The following BRMS1 variants were observed in gnomAD, a reference collection of about 807,000 sequenced individuals.
The protein encoded by BRMS1 is breast cancer metastasis-suppressor 1.
BRMS1 carries 26 observed loss-of-function variants against 40.4 expected under a neutral mutation model. The observed-to-expected ratio is 0.64, with a 90% CI of 0.47 to 0.89. The LOEUF is 0.89. Among genes scored for constraint, BRMS1 ranks in the 40% least tolerant of loss-of-function variants. The pLI is 0.00. For synonymous variants in BRMS1, 103 were observed against 116.0 expected (o/e 0.89, Z 0.72); for missense variants, 289 against 309.4 (o/e 0.93, Z 0.49).
Position 66,338,716 on chromosome 11 carries a change from C to T in BRMS1, c.693+5G>A. 6.2e-7 allele frequency: 1 copy of T among 1,609,668 alleles called. No homozygotes were observed. Among genetic ancestry groups the T allele is most frequent in the South Asian group, 1.1e-5 (1 of 90,932 alleles). On this transcript the variant is annotated splice_donor_5th_base_variant and intron_variant, in intron 8 of 9. Transcript: ENST00000359957. ...GCAGGTCACGTGGGCAGCAGCGGCC[C>T]CCACCTTTTTGATGGCTGTCCAGTC...
At position 66,337,771 on chromosome 11, in the gene BRMS1, G is replaced by A. The variant is rs779744968; in HGVS notation, c.*111C>T. The A allele has an allele frequency of 1.7e-5, 27 of 1,613,538 alleles. No individual in the cohort carries two copies. The East Asian group carries it at 4.9e-4, about 29-fold the overall frequency. ...GGCCCAGCAGCACCACAGGAGCCTGGCTGGGCAGACCCTGAGGGGCCTGTG... is the reference window on the plus strand; with the variant it reads ...GGCCCAGCAGCACCACAGGAGCCTGACTGGGCAGACCCTGAGGGGCCTGTG... On this transcript the variant is annotated 3_prime_UTR_variant, in exon 10 of 10. Coordinates refer to ENST00000359957, the MANE Select transcript of BRMS1 (RefSeq NM_015399.4).
chr11:66,338,414 C>T (rs1286566364), intron 8 of BRMS1, 132 bp from the exon 9 acceptor site: 2 of 1,519,152 alleles, frequency 1.3e-6, no homozygotes, highest in Admixed American at 4.0e-5. Flanking sequence ...GCATAGGCCC[C>T]ACCCAGGCAG....
In BRMS1 at chr11:66,341,313, C is replaced by G. The variant is rs745705747; in HGVS notation, c.251G>C (p.Ser84Thr). The change falls in exon 4 of 10, where the codon AGT becomes ACT. Residue 84 changes from serine (S) to threonine (T), a missense_variant. Ser to Thr is a moderately conservative substitution (Grantham distance 58). Transcript: ENST00000359957. This position sits in a 1 kb window ranked among gnomAD's most constrained non-coding sequence, Gnocchi z 4.9. ...LKEKLFRERLSQLRLRLEEVG... is the reference protein window; with the variant it reads ...LKEKLFRERLTQLRLRLEEVG... ...TTCCTCCAGCCGCAACCGCAGCTGA[C>G]TCAGTCGTTCCCTGAACAACCTGCG... 1.6e-5 allele frequency: 26 copies of G among 1,613,234 alleles called. No individual in the cohort carries two copies. The highest frequency in any genetic ancestry group is 2.2e-5 in the Non-Finnish European group (26 of 1,179,368).
At chr11:66,338,452 G>T in intron 8 of BRMS1, 170 bp from the exon 9 acceptor site, 1 of 1,510,234 alleles carries the variant, frequency 6.6e-7, no homozygotes. Context: ...CTGCTGGCCA[G>T]CTCAGCGGCT....
intron 1 of BRMS1, among the ~76,000 whole-genome samples, chr11:66,343,803 C>T (rs555368069): frequency 6.6e-5 from 10 of 152,020 alleles, no homozygotes; most frequent in Non-Finnish European, 1.5e-4. Flanking sequence ...CCCAGGGTCA[C>T]CAAAGGGGCA....
intron 7 of BRMS1, chr11:66,339,760 C>T (rs1465091793): frequency 4.9e-6 from 1 of 202,158 alleles, no homozygotes; most frequent in African/African-American, 2.3e-5. Context: ...CCACGCCTGG[C>T]TAATTTTTGT....
chr11:66,337,730 C>T lies in BRMS1; in HGVS notation c.*152G>A. 1.2e-6 allele frequency: 2 copies of T among 1,611,824 alleles called. No individual in the cohort carries two copies. Among genetic ancestry groups the T allele is most frequent in the Middle Eastern group, 1.8e-4 (1 of 5,470 alleles). ...GGCAGAGGAGGAGTCCAGGCCAGTG[C>T]CAGATGGAGTGGGAGGGCCCAGCAG... On this transcript the variant is annotated 3_prime_UTR_variant, in exon 10 of 10. Transcript: ENST00000359957.
chr11:66,342,630 G>C (rs575027101), intron 1 of BRMS1, among the ~76,000 whole-genome samples: 1 of 152,296 alleles, frequency 6.6e-6, no homozygotes, highest in Admixed American at 6.5e-5. Context: ...GCAGTGGCAC[G>C]ATCTCAGCTC....
chr11:66,344,069 C>A (rs1156997092), intron 1 of BRMS1, among the ~76,000 whole-genome samples: 1 of 152,214 alleles, frequency 6.6e-6, no homozygotes, highest in Non-Finnish European at 1.5e-5. Flanking sequence ...ACCACTCCCT[C>A]CAGGAAGCTT....
At chr11:66,339,943 AGGACCCC>A (rs1428796570) in intron 7 of BRMS1, 171 bp downstream of exon 7, 19 of 578,164 alleles carry the variant, frequency 3.3e-5, no homozygotes, top group Non-Finnish European at 5.6e-5. Context: ...AGAGAGACCC[AGGACCCC>A]GTAAGAAACT....
At position 66,340,715 on chromosome 11, in the gene BRMS1, A is replaced by C. The variant is rs549457089; in HGVS notation, c.535+59T>G. The C allele has an allele frequency of 2.8e-6, 4 of 1,414,686 alleles. No homozygotes were observed. In the African/African-American group the frequency reaches 4.3e-5, roughly 15 times the overall value. 87.6% of individuals were successfully genotyped at this position (1,414,686 alleles called of 1,614,324 possible). A position where few individuals can be genotyped will look rare whatever the true frequency, so the allele number is the denominator to read the frequency against. On this transcript the variant is annotated intron_variant, in intron 6 of 9. Coordinates refer to ENST00000359957, the MANE Select transcript of BRMS1 (RefSeq NM_015399.4). Reference sequence around the variant, plus strand: ...ACTTCAGGACATCTGAAGCCCAAAGAGGGGTGGGCGTGGACTGAGCGGGGC... The same window carrying C: ...ACTTCAGGACATCTGAAGCCCAAAGCGGGGTGGGCGTGGACTGAGCGGGGC...
Position 66,341,995 on chromosome 11 carries a change from T to G in BRMS1, c.139+101A>C. 1 of 1,314,822 alleles carries G rather than the reference T, an allele frequency of 7.6e-7. No homozygotes were observed. Among genetic ancestry groups the G allele is most frequent in the Non-Finnish European group, 1.0e-6 (1 of 955,082 alleles). 81.4% of individuals were successfully genotyped at this position (1,314,822 alleles called of 1,614,324 possible). A position where few individuals can be genotyped will look rare whatever the true frequency, so the allele number is the denominator to read the frequency against. On this transcript the variant is annotated intron_variant, in intron 2 of 9. Coordinates refer to ENST00000359957, the MANE Select transcript of BRMS1 (RefSeq NM_015399.4). The surrounding 1 kb of genome is among the most constrained non-coding windows in gnomAD (Gnocchi z 4.9). ...TGTGCTTGTGTGTAGGCGCTGTATG[T>G]GCATGTGCGTGCATGCTTGTGTGTA...
intron 6 of BRMS1, 130 bp downstream of exon 6, chr11:66,340,644 G>A (rs1032670760): frequency 6.7e-6 from 5 of 744,650 alleles, no homozygotes; most frequent in Admixed American, 2.7e-5. Context: ...GTCTCCTTCA[G>A]CCCTCACACT....
Position 66,341,100 on chromosome 11 carries a change from T to A in BRMS1, c.359-54A>T. On this transcript the variant is annotated intron_variant, in intron 4 of 9. Coordinates refer to ENST00000359957, the MANE Select transcript of BRMS1 (RefSeq NM_015399.4). This position sits in a 1 kb window ranked among gnomAD's most constrained non-coding sequence, Gnocchi z 4.9. ...TTGGCTGGGGAGCCCGGTGCCCACA[T>A]AGGAGGGCTGAGAGCAAAGGGCAAG... The A allele has an allele frequency of 1.2e-6, 2 of 1,611,714 alleles. No homozygotes were observed. The highest frequency in any genetic ancestry group is 1.7e-6 in the Non-Finnish European group (2 of 1,178,844).
chr11:66,343,403 C>T (rs1855128589), intron 1 of BRMS1, among the ~76,000 whole-genome samples: 1 of 152,152 alleles, frequency 6.6e-6, no homozygotes, highest in African/African-American at 2.4e-5. Flanking sequence ...GGTATGCAGG[C>T]GCCCAAGTGT....
Position 66,337,708 on chromosome 11 carries a change from AGAG to A in BRMS1, c.*171_*173del, listed in dbSNP as rs1191552672. 11 of 1,605,652 alleles carry A rather than the reference AGAG, an allele frequency of 6.9e-6. No homozygotes were observed. Among genetic ancestry groups the A allele is most frequent in the Non-Finnish European group, 9.3e-6 (11 of 1,176,586 alleles). On this transcript the variant is annotated 3_prime_UTR_variant, in exon 10 of 10. Coordinates refer to ENST00000359957, the MANE Select transcript of BRMS1 (RefSeq NM_015399.4). ...CAGCTGTGCAGGCCTCGAGGAGGGC[AGAG>A]GAGGAGTCCAGGCCAGTGCCAGATG...
At position 66,338,796 on chromosome 11, in the gene BRMS1, G is replaced by A. The variant is rs374727146; in HGVS notation, c.629-11C>T. The A allele has an allele frequency of 4.2e-5, 64 of 1,526,720 alleles. No individual in the cohort carries two copies. The highest frequency in any genetic ancestry group is 3.5e-4 in the Middle Eastern group (2 of 5,634). The allele number at this position is 1,526,720 out of a possible 1,614,324, so 94.6% of individuals were successfully genotyped here. A position where few individuals can be genotyped will look rare whatever the true frequency, so the allele number is the denominator to read the frequency against. On this transcript the variant is annotated splice_polypyrimidine_tract_variant and intron_variant, in intron 7 of 9. Transcript: ENST00000359957. The stretch of plus-strand genomic sequence containing the variant: ...ACACGATGTATGGGCCTGTGGTGGG[G>A]GTCAAGGAAGCCTAGTGGAGGTGGC...
chr11:66,338,812 T>C (rs201826179), intron 7 of BRMS1, 27 bp from the exon 8 acceptor site: 10 of 1,520,082 alleles, frequency 6.6e-6, no homozygotes, highest in Non-Finnish European at 8.8e-6. Flanking sequence ...GGAAGCCTAG[T>C]GGAGGTGGCA....
At chr11:66,338,816 G>A (rs765721141) in intron 7 of BRMS1, 31 bp from the exon 8 acceptor site, 4 of 1,518,020 alleles carry the variant, frequency 2.6e-6, no homozygotes, top group Non-Finnish European at 3.5e-6. Flanking sequence ...GCCTAGTGGA[G>A]GTGGCAGGTG....
Sources: allele counts gnomAD v4.1 joint callset (sites outside exome capture counted in the v4.1 genomes callset), GRCh38; gene constraint gnomAD v4.1.1; non-coding constraint Gnocchi (gnomAD v3.1); transcripts MANE v1.5; gene names NCBI Gene and HGNC (gene_info 2026-07-23, HGNC 2026-07-21).